Variants in SERINC3 observed in about 807,000 individuals in gnomAD.
SERINC3 encodes serine incorporator 3.
SERINC3 carries 22 observed loss-of-function variants against 52.1 expected under a neutral mutation model. That is an observed-to-expected ratio of 0.42 (90% CI 0.30 to 0.60). The LOEUF (loss-of-function observed/expected upper bound fraction) is 0.60. Among genes scored for constraint, SERINC3 ranks in the 20% least tolerant of loss-of-function variants. The pLI is 0.16. For synonymous variants in SERINC3, 226 were observed against 212.7 expected (o/e 1.06, Z -0.54); for missense variants, 564 against 584.6 (o/e 0.96, Z 0.36).
In SERINC3 at chr20:44,504,871, G is replaced by A. The variant is rs775520481; in HGVS notation, c.804C>T (p.Gly268=). 3 of 1,613,162 alleles carry A rather than the reference G, an allele frequency of 1.9e-6. No homozygotes were observed. The highest frequency in any genetic ancestry group is 2.7e-5 in the African/African-American group (2 of 74,900). Residue 268 remains glycine, a synonymous_variant, in exon 7 of 10, where the codon GGC becomes GGT. Transcript: ENST00000342374. ...PKIQEHQPRS[G]LLQSSLITLY... ...GGGTGATGAGGGAGGACTGCAAGAG[G>A]CCGGAGCGAGGCTGGTGTTCCTATG...
At chr20:44,506,785 TA>T (rs1223138657) in intron 6 of SERINC3, 41 bp downstream of exon 6, 1 of 1,378,026 alleles carries the variant, frequency 7.3e-7, no homozygotes, top group Non-Finnish European at 9.7e-7. Flanking sequence ...AGCTTAGAAT[TA>T]AAAACCTTTC....
intron 5 of SERINC3, among the ~76,000 whole-genome samples, chr20:44,509,179 G>GT (rs1390052124): frequency 2.0e-5 from 3 of 152,232 alleles, no homozygotes; most frequent in African/African-American, 4.8e-5. Context: ...TCTAGAAATT[G>GT]TAAGTGCCCC....
intron 7 of SERINC3, 80 bp downstream of exon 7, chr20:44,504,721 C>T: frequency 1.7e-6 from 2 of 1,152,034 alleles, no homozygotes; most frequent in South Asian, 2.8e-5. Context: ...TGCTCTAGCT[C>T]TAGTTTTTGT....
At chr20:44,516,567 T>G (rs2064382256) in intron 1 of SERINC3, among the ~76,000 whole-genome samples, 1 of 151,668 alleles carries the variant, frequency 6.6e-6, no homozygotes, top group Non-Finnish European at 1.5e-5. Context: ...CTCAGCTAAT[T>G]TTTGTGTAAA....
chr20:44,507,778 G>T (rs2064323805), intron 5 of SERINC3, among the ~76,000 whole-genome samples: 1 of 152,104 alleles, frequency 6.6e-6, no homozygotes, highest in Non-Finnish European at 1.5e-5. Flanking sequence ...CTGAGGCAGG[G>T]GGATTGCTTG....
At chr20:44,500,651 T>C (rs1425697573) in intron 9 of SERINC3, among the ~76,000 whole-genome samples, 1 of 152,220 alleles carries the variant, frequency 6.6e-6, no homozygotes, top group South Asian at 2.1e-4. Context: ...ATGACTTTTC[T>C]TCTTGCCAGC....
intron 1 of SERINC3, among the ~76,000 whole-genome samples, chr20:44,517,436 T>C (rs767621404): frequency 6.6e-6 from 1 of 152,192 alleles, no homozygotes; most frequent in Non-Finnish European, 1.5e-5. Flanking sequence ...TGAGGTTATA[T>C]GGAGTAGAGT....
chr20:44,512,690 G>C, intron 3 of SERINC3, 111 bp downstream of exon 3: 1 of 811,672 alleles, frequency 1.2e-6, no homozygotes, highest in Non-Finnish European at 1.9e-6. Flanking sequence ...AAATGCATCT[G>C]AGCCACTCAT....
At chr20:44,514,436 G>A (rs1374372908) in intron 1 of SERINC3, among the ~76,000 whole-genome samples, 1 of 152,130 alleles carries the variant, frequency 6.6e-6, no homozygotes. Context: ...TGCTTACTGC[G>A]AATCCAAGTT....
chr20:44,510,125 G>A, intron 4 of SERINC3, 97 bp from the exon 5 acceptor site: 1 of 1,181,072 alleles, frequency 8.5e-7, no homozygotes, highest in Non-Finnish European at 1.2e-6. Context: ...CAAGACAGAG[G>A]TGGTAAAGAC....
intron 2 of SERINC3, among the ~76,000 whole-genome samples, chr20:44,513,408 C>T (rs867074644): frequency 2.0e-5 from 3 of 152,202 alleles, no homozygotes; most frequent in Non-Finnish European, 2.9e-5. Flanking sequence ...ATTGCTTGAA[C>T]CAGGGAGGCG....
At chr20:44,515,497 A>T (rs2064374494) in intron 1 of SERINC3, among the ~76,000 whole-genome samples, 1 of 152,228 alleles carries the variant, frequency 6.6e-6, no homozygotes. Flanking sequence ...TAAAATATCC[A>T]GAATAAGTGA....
chr20:44,515,727 G>A (rs6130628), intron 1 of SERINC3, among the ~76,000 whole-genome samples: 8 of 150,114 alleles, frequency 5.3e-5, no homozygotes, highest in African/African-American at 1.2e-4. Flanking sequence ...CTCGGCTCAC[G>A]GCAACCTCCA....
intron 8 of SERINC3, among the ~76,000 whole-genome samples, chr20:44,502,982 GAATAA>G (rs933552728): frequency 2.0e-5 from 3 of 151,928 alleles, no homozygotes; most frequent in African/African-American, 7.3e-5. Context: ...CCATCGAAAA[GAATAA>G]AATACTTAGA....
intron 1 of SERINC3, among the ~76,000 whole-genome samples, chr20:44,514,593 A>G (rs2064368513): frequency 1.3e-5 from 2 of 152,018 alleles, no homozygotes; most frequent in African/African-American, 4.8e-5. Context: ...CCCTGTCTCT[A>G]CTAAAAATAC....
downstream of SERINC3, among the ~76,000 whole-genome samples, chr20:44,497,188 C>T (rs1222810349): frequency 3.3e-5 from 5 of 152,152 alleles, no homozygotes; most frequent in Admixed American, 3.3e-4. Flanking sequence ...GAAAGGCCAC[C>T]CTGAGATCTG....
At chr20:44,496,826 T>G (rs908448297), downstream of SERINC3, among the ~76,000 whole-genome samples, 1 of 152,166 alleles carries the variant, frequency 6.6e-6, no homozygotes, top group African/African-American at 2.4e-5. Flanking sequence ...ACAGATTTCT[T>G]TGTTCCTTCT....
rs1233847077 is a variant in SERINC3, at chr20:44,513,975, G to A, written c.105C>T (p.Ser35=). Residue 35 remains serine, a synonymous_variant, in exon 2 of 10, where the codon TCC becomes TCT. Coordinates refer to ENST00000342374, the MANE Select transcript of SERINC3 (RefSeq NM_006811.4). The part of the protein sequence containing the change: ...LCSCCPNSKN[S]TVTRLIYAFI... Reference sequence around the variant, plus strand: ...AAGCATAAATGAGGCGAGTCACCGTGGAATTCTTACTGTTAGGACAGCAAC... The same window carrying A: ...AAGCATAAATGAGGCGAGTCACCGTAGAATTCTTACTGTTAGGACAGCAAC... 1 of 1,613,998 alleles carries A rather than the reference G, an allele frequency of 6.2e-7. No individual in the cohort carries two copies. The highest frequency in any genetic ancestry group is 8.5e-7 in the Non-Finnish European group (1 of 1,180,020).
chr20:44,511,192 G>A (rs972393488), intron 4 of SERINC3, 97 bp downstream of exon 4: 1 of 855,292 alleles, frequency 1.2e-6, no homozygotes. Context: ...GAGCTTACAG[G>A]TGTGAGCCAC....
Sources: gnomAD v4.1 joint callset for allele counts (sites outside exome capture counted in the v4.1 genomes callset) on GRCh38, gnomAD v4.1.1 for gene constraint, MANE v1.5 for transcripts, NCBI Gene and HGNC (gene_info 2026-07-23, HGNC 2026-07-21) for gene names.